KCTD16: variants seen among roughly 807,000 people sequenced by gnomAD.
KCTD16 encodes BTB/POZ domain-containing protein KCTD16.
A neutral mutation model predicts 33.2 loss-of-function variants in KCTD16; 13 were observed. The observed-to-expected ratio is 0.39, with a 90% CI of 0.25 to 0.62. The LOEUF (loss-of-function observed/expected upper bound fraction) is 0.62. Among genes scored for constraint, KCTD16 ranks in the 20% least tolerant of loss-of-function variants. The pLI, the probability that KCTD16 is intolerant of heterozygous loss-of-function variation, is 0.50. For synonymous variants in KCTD16, 197 were observed against 195.3 expected, an observed-to-expected ratio of 1.01 and a Z score of -0.07; for missense variants, 441 against 525.1, an observed-to-expected ratio of 0.84 and a Z score of 1.57.
chr5:144,403,351 T>C (rs1245443173), intron 3 of KCTD16, among the ~76,000 whole-genome samples: 1 of 151,996 alleles, frequency 6.6e-6, no homozygotes, highest in African/African-American at 2.4e-5. Context: ...CAATGCATGG[T>C]GTTCTAATAA....
At chr5:144,388,772 A>C (rs1157336560) in intron 3 of KCTD16, among the ~76,000 whole-genome samples, 1 of 152,232 alleles carries the variant, frequency 6.6e-6, no homozygotes, top group Non-Finnish European at 1.5e-5. Context: ...TTCTATATCC[A>C]TTCAACGAAT....
At chr5:144,470,904 A>T (rs1321811278) in intron 3 of KCTD16, among the ~76,000 whole-genome samples, 1 of 152,148 alleles carries the variant, frequency 6.6e-6, no homozygotes, top group Non-Finnish European at 1.5e-5. Flanking sequence ...TGGAAGACTG[A>T]GTGCAGTGGC....
chr5:144,354,900 G>C (rs575244970), intron 3 of KCTD16, among the ~76,000 whole-genome samples: 1 of 152,092 alleles, frequency 6.6e-6, no homozygotes, highest in African/African-American at 2.4e-5. Flanking sequence ...TTAATAATAG[G>C]TAACATTTAT....
chr5:144,395,409 C>T (rs73795532), intron 3 of KCTD16, among the ~76,000 whole-genome samples: 2,071 of 152,180 alleles, frequency 0.014, 41 homozygotes, highest in African/African-American at 0.047. Flanking sequence ...GAGGTCTTGC[C>T]GCCTTTCATG....
At chr5:144,433,466 C>G (rs1753511254) in intron 3 of KCTD16, among the ~76,000 whole-genome samples, 1 of 152,108 alleles carries the variant, frequency 6.6e-6, no homozygotes, top group Admixed American at 6.6e-5. Flanking sequence ...AAAACTGTAA[C>G]TCTAGATTTT....
intron 3 of KCTD16, among the ~76,000 whole-genome samples, chr5:144,453,100 G>T (rs1753982872): frequency 6.6e-6 from 1 of 152,284 alleles, no homozygotes; most frequent in Admixed American, 6.5e-5. Flanking sequence ...CTTGGGGCAT[G>T]GTTAGGGCCA....
chr5:144,396,290 C>G (rs1752566469), intron 3 of KCTD16, among the ~76,000 whole-genome samples: 1 of 152,204 alleles, frequency 6.6e-6, no homozygotes, highest in African/African-American at 2.4e-5. Context: ...TCTCTCATTA[C>G]TTTCCAGCCC....
chr5:144,226,332 C>T (rs1753929708), intron 3 of KCTD16, among the ~76,000 whole-genome samples: 1 of 152,158 alleles, frequency 6.6e-6, no homozygotes, highest in African/African-American at 2.4e-5. Context: ...AGGATTCAGA[C>T]TCCAGTCAAG....
chr5:144,178,753 C>T (rs1752559577), intron 2 of KCTD16, among the ~76,000 whole-genome samples: 1 of 152,096 alleles, frequency 6.6e-6, no homozygotes. Flanking sequence ...CATTTCTTTT[C>T]TTGACTCTAA....
intron 2 of KCTD16, among the ~76,000 whole-genome samples, chr5:144,196,801 G>C (rs1222488063): frequency 6.6e-6 from 1 of 152,196 alleles, no homozygotes. Context: ...TCCTCTGGCA[G>C]CTATTGGAAC....
chr5:144,293,818 A>C (rs1241253947), intron 3 of KCTD16, among the ~76,000 whole-genome samples: 3 of 152,230 alleles, frequency 2.0e-5, no homozygotes, highest in African/African-American at 7.2e-5. Context: ...CTTTTTAGAA[A>C]ATTATCTAGT....
intron 3 of KCTD16, among the ~76,000 whole-genome samples, chr5:144,453,636 A>T (rs1281304614): frequency 1.3e-5 from 2 of 152,198 alleles, no homozygotes; most frequent in Non-Finnish European, 2.9e-5. Context: ...AAAAAATAAA[A>T]TGTCATTATA....
At position 144,280,799 on chromosome 5, in the gene KCTD16, A is replaced by C. The variant is rs547825384; in HGVS notation, c.832+73253A>C. ...AAAATTAGCTGGGCGTGATGGTGGG[A>C]GCCTGTAGTCCCAGCTACTCGGGAG... On this transcript the variant is annotated intron_variant, in intron 3 of 3. Coordinates refer to ENST00000512467, the MANE Select transcript of KCTD16 (RefSeq NM_020768.4). Among the ~76,000 whole-genome samples, 4 of 151,700 alleles carry C rather than the reference A, an allele frequency of 2.6e-5. No homozygotes were observed. The East Asian group carries it at 5.9e-4, about 22-fold the overall frequency.
intron 3 of KCTD16, among the ~76,000 whole-genome samples, chr5:144,401,616 G>A (rs780461023): frequency 3.1e-4 from 47 of 152,154 alleles, no homozygotes; most frequent in African/African-American, 1.0e-3. Flanking sequence ...GCAGAAGGAT[G>A]GATGTTTGCA....
chr5:144,343,526 AC>A, intron 3 of KCTD16, among the ~76,000 whole-genome samples: 1 of 152,058 alleles, frequency 6.6e-6, no homozygotes, highest in Non-Finnish European at 1.5e-5. Context: ...CTTTCAAAAA[AC>A]CAGCTCCTGG....
intron 3 of KCTD16, among the ~76,000 whole-genome samples, chr5:144,378,893 A>G (rs760072130): frequency 2.0e-5 from 3 of 152,194 alleles, no homozygotes; most frequent in Admixed American, 6.6e-5. Context: ...ACAATGCATT[A>G]ATCTTATGCT....
intron 3 of KCTD16, among the ~76,000 whole-genome samples, chr5:144,388,727 A>G (rs1752386431): frequency 6.6e-6 from 1 of 152,226 alleles, no homozygotes; most frequent in Non-Finnish European, 1.5e-5. Flanking sequence ...TGTCTTAGCC[A>G]TGCTGACAGG....
At chr5:144,377,676 A>G (rs538061780) in intron 3 of KCTD16, 3 of 152,260 alleles carry the variant, frequency 2.0e-5, no homozygotes, top group South Asian at 2.1e-4. Flanking sequence ...TTAAAAATCC[A>G]TCAGCCAAGA....
In KCTD16 at chr5:144,424,088, C is replaced by T. The variant is rs570528682; in HGVS notation, c.833-49572C>T. On this transcript the variant is annotated intron_variant, in intron 3 of 3. Coordinates refer to ENST00000512467, the MANE Select transcript of KCTD16 (RefSeq NM_020768.4). ...AAATAGTACATGGCAGAGTTGGGAC[C>T]GGCAACTCAGATACTCTGACTCTGA... is the stretch of plus-strand genomic sequence containing the variant. 2.2e-4 allele frequency among the ~76,000 whole-genome samples: 34 copies of T among 152,178 alleles called. No homozygotes were observed. The South Asian group carries it at 6.2e-3, about 28-fold the overall frequency.
Sources: gnomAD v4.1 joint callset for allele counts (sites outside exome capture counted in the v4.1 genomes callset) on GRCh38, gnomAD v4.1.1 for gene constraint, MANE v1.5 for transcripts, NCBI Gene and HGNC (gene_info 2026-07-23, HGNC 2026-07-21) for gene names.